FECH: variants seen among roughly 807,000 people sequenced by gnomAD.
The protein encoded by FECH is ferrochelatase, mitochondrial.
In FECH, 40 loss-of-function variants were observed where a neutral mutation model predicts 56.9. That is an observed-to-expected ratio of 0.70 (90% CI 0.55 to 0.92). The LOEUF (loss-of-function observed/expected upper bound fraction) is 0.92. FECH is among the 40% of genes least tolerant of loss of function. The probability of loss-of-function intolerance (pLI) is 0.00; values close to 1 mark genes in which losing one functional copy is unlikely to be tolerated. For missense variants in FECH, 431 were observed against 529.1 expected, an observed-to-expected ratio of 0.81 and a Z score of 1.82; for synonymous variants, 175 against 198.6, an observed-to-expected ratio of 0.88 and a Z score of 1.00.
In FECH at chr18:57,550,593, C is replaced by T. The variant is rs2050783843; in HGVS notation, c.*119G>A. On this transcript the variant is annotated 3_prime_UTR_variant, in exon 11 of 11. Coordinates refer to ENST00000262093, the MANE Select transcript of FECH (RefSeq NM_000140.5). Reference sequence around the variant, plus strand: ...AAACCACACAATTTGTACCCAAAGGCTGTATATATATCAAGGAAGGATGAC... The same window carrying T: ...AAACCACACAATTTGTACCCAAAGGTTGTATATATATCAAGGAAGGATGAC... 7.8e-7 allele frequency: 1 copy of T among 1,288,816 alleles called. No homozygotes were observed. The highest frequency in any genetic ancestry group is 1.9e-4 in the Middle Eastern group (1 of 5,320). The allele number at this position is 1,288,816 out of a possible 1,614,324, so 79.8% of individuals were successfully genotyped here. A position where few individuals can be genotyped will look rare whatever the true frequency, so the allele number is the denominator to read the frequency against.
chr18:57,551,887 C>CT lies in FECH; in HGVS notation c.1078-514dup, dbSNP rs201249549. 2.9e-3 allele frequency among the ~76,000 whole-genome samples: 416 copies of CT among 141,378 alleles called. 3 individuals are homozygous for CT. Among genetic ancestry groups the CT allele is most frequent in the African/African-American group, 6.0e-3 (233 of 38,574 alleles). The allele number at this position is 141,378 out of a possible 152,430, so 92.7% of individuals were successfully genotyped here. A position where few individuals can be genotyped will look rare whatever the true frequency, so the allele number is the denominator to read the frequency against. On this transcript the variant is annotated intron_variant, in intron 9 of 10. Coordinates refer to ENST00000262093, the MANE Select transcript of FECH (RefSeq NM_000140.5). ...TGGGTTTTAAAATATATTCTTTTTTCTTTTTTTTTTTTTTGAGATGGAGTC... is the reference window on the plus strand; with the variant it reads ...TGGGTTTTAAAATATATTCTTTTTTCTTTTTTTTTTTTTTTGAGATGGAGTC...
In FECH at chr18:57,571,240, G is replaced by T. The variant is rs562389886; in HGVS notation, c.463+152C>A. 448 of 779,842 alleles carry T rather than the reference G, an allele frequency of 5.7e-4. 1 individual carries two copies. The highest frequency in any genetic ancestry group is 4.3e-3 in the Middle Eastern group (15 of 3,490). The allele number at this position is 779,842 out of a possible 1,614,324, so 48.3% of individuals were successfully genotyped here. On this transcript the variant is annotated intron_variant, in intron 4 of 10. Transcript: ENST00000262093. The stretch of plus-strand genomic sequence containing the variant: ...GCTAAAGGTCAAGGGATAACGCCTG[G>T]AGACCTAAATTAAGTGACCATGTAT...
chr18:57,583,438 G>A (rs317807), intron 1 of FECH, among the ~76,000 whole-genome samples: 40,013 of 152,174 alleles, frequency 0.26, 6,142 homozygotes, highest in East Asian at 0.64. Flanking sequence ...GAGATGCTGC[G>A]AGTCTCACTT....
chr18:57,563,067 C>G, intron 5 of FECH, 87 bp from the exon 6 acceptor site: 1 of 1,047,306 alleles, frequency 9.5e-7, no homozygotes, highest in Non-Finnish European at 1.4e-6. Flanking sequence ...TATATAAGTT[C>G]AAAGCAGGTA....
Position 57,545,554 on chromosome 18 carries a change from C to T in FECH, c.*5158G>A, listed in dbSNP as rs934603988. Among the ~76,000 whole-genome samples, 1 of 152,194 alleles carries T rather than the reference C, an allele frequency of 6.6e-6. No individual in the cohort carries two copies. The highest frequency in any genetic ancestry group is 1.5e-5 in the Non-Finnish European group (1 of 68,038). Reference sequence around the variant, plus strand: ...ACCACCTCCCAGAACTACTCTTTGGCAAGATGCATCAGACGCACGGAGCGA... The same window carrying T: ...ACCACCTCCCAGAACTACTCTTTGGTAAGATGCATCAGACGCACGGAGCGA... On this transcript the variant is annotated 3_prime_UTR_variant, in exon 11 of 11. Coordinates refer to ENST00000262093, the MANE Select transcript of FECH (RefSeq NM_000140.5).
At position 57,577,965 on chromosome 18, in the gene FECH, T is replaced by C. The variant is rs2051206903; in HGVS notation, c.194+2108A>G. 2.0e-5 allele frequency among the ~76,000 whole-genome samples: 3 copies of C among 152,080 alleles called. No homozygotes were observed. In the South Asian group the frequency reaches 6.2e-4, roughly 32 times the overall value. ...ATTCATAATGTTTTAAGGTTTTTTT[T>C]GTTGCCTATCCGTATTCTCTAAAAT... is the stretch of plus-strand genomic sequence containing the variant. On this transcript the variant is annotated intron_variant, in intron 2 of 10. Coordinates refer to ENST00000262093, the MANE Select transcript of FECH (RefSeq NM_000140.5).
At chr18:57,567,280 C>T (rs2051031436) in intron 4 of FECH, among the ~76,000 whole-genome samples, 1 of 152,218 alleles carries the variant, frequency 6.6e-6, no homozygotes, top group South Asian at 2.1e-4. Context: ...TTTGGAGGTG[C>T]CACATGGGAT....
In FECH at chr18:57,545,882, G is replaced by A. The variant is rs189567239; in HGVS notation, c.*4830C>T. 6.6e-6 allele frequency among the ~76,000 whole-genome samples: 1 copy of A among 152,260 alleles called. No homozygotes were observed. Among genetic ancestry groups the A allele is most frequent in the African/African-American group, 2.4e-5 (1 of 41,552 alleles). On this transcript the variant is annotated 3_prime_UTR_variant, in exon 11 of 11. Transcript: ENST00000262093. ...TAGATATGCAGGATAAATATGTTCT[G>A]GGGATCTAACATACAGCATGGCGAA...
At chr18:57,576,012 G>T (rs750620044) in intron 2 of FECH, among the ~76,000 whole-genome samples, 13 of 152,084 alleles carry the variant, frequency 8.5e-5, no homozygotes. Flanking sequence ...GCCTTCAACC[G>T]GGGTTTTTCA....
At chr18:57,586,513 G>A in intron 1 of FECH, 41 bp downstream of exon 1, 5 of 1,518,374 alleles carry the variant, frequency 3.3e-6, no homozygotes, top group Non-Finnish European at 4.4e-6. Context: ...CGCCTTCTCA[G>A]GGATCCTGGC....
chr18:57,564,996 C>T (rs2050998147), intron 5 of FECH, among the ~76,000 whole-genome samples: 1 of 152,194 alleles, frequency 6.6e-6, no homozygotes. Context: ...CTTCGCAAAG[C>T]CTTCCACAAC....
chr18:57,548,930 G>C lies in FECH; in HGVS notation c.*1782C>G, dbSNP rs1276671539. 1.3e-5 allele frequency: 2 copies of C among 152,138 alleles called. No individual in the cohort carries two copies. Among genetic ancestry groups the C allele is most frequent in the Non-Finnish European group, 1.5e-5 (1 of 68,032 alleles). The allele number at this position is 152,138 out of a possible 1,614,324, so 9.4% of individuals were successfully genotyped here. A position where few individuals can be genotyped will look rare whatever the true frequency, so the allele number is the denominator to read the frequency against. ...TAAAGTCATCAAAGAATTGAAGCAG[G>C]CCCTTGGGAAATATCCTTAAGGGGA... On this transcript the variant is annotated 3_prime_UTR_variant, in exon 11 of 11. Coordinates refer to ENST00000262093, the MANE Select transcript of FECH (RefSeq NM_000140.5).
intron 2 of FECH, among the ~76,000 whole-genome samples, chr18:57,577,406 C>G (rs1478575527): frequency 6.6e-6 from 1 of 152,142 alleles, no homozygotes; most frequent in Non-Finnish European, 1.5e-5. Context: ...ACTACCTAAC[C>G]CTTTACAGAA....
intron 4 of FECH, among the ~76,000 whole-genome samples, chr18:57,569,794 C>G (rs746315416): frequency 6.6e-6 from 1 of 151,800 alleles, no homozygotes; most frequent in Admixed American, 6.6e-5. Flanking sequence ...CCTCTTCCCA[C>G]GAGAGACAGC....
rs2050736424 is a variant in FECH, at chr18:57,547,624, T to C, written c.*3088A>G. Among the ~76,000 whole-genome samples the C allele has an allele frequency of 1.3e-5, 2 of 152,128 alleles. No individual in the cohort carries two copies. The highest frequency in any genetic ancestry group is 1.5e-5 in the Non-Finnish European group (1 of 68,032). The stretch of plus-strand genomic sequence containing the variant: ...TTTCCTTTGTAAATGACCCAGTCTC[T>C]GTATTTCTTTTCTTTTTTTTGGTTT... On this transcript the variant is annotated 3_prime_UTR_variant, in exon 11 of 11. Transcript: ENST00000262093.
chr18:57,567,149 G>C (rs868231202), intron 4 of FECH, among the ~76,000 whole-genome samples: 1 of 151,674 alleles, frequency 6.6e-6, no homozygotes, highest in African/African-American at 2.4e-5. Context: ...CCAGTTCCCC[G>C]AACCCCCAGG....
At chr18:57,555,197 A>AC (rs1184228510) in intron 7 of FECH, among the ~76,000 whole-genome samples, 1 of 152,202 alleles carries the variant, frequency 6.6e-6, no homozygotes, top group African/African-American at 2.4e-5. Context: ...TCCATGTTCC[A>AC]CGTTATTCAT....
rs2050851054 is a variant in FECH at position 57,555,012 on chromosome 18, T to C, written c.805-60A>G. On this transcript the variant is annotated intron_variant, in intron 7 of 10. Transcript: ENST00000262093. ...ACACTGGGAAGGCCCCGAGAGCCTC[T>C]GACTATGTGCTGACACAGTGTGAGC... 63 of 1,323,006 alleles carry C rather than the reference T, an allele frequency of 4.8e-5. 1 individual carries two copies. In the South Asian group the frequency reaches 7.3e-4, roughly 15 times the overall value. 82.0% of individuals were successfully genotyped at this position (1,323,006 alleles called of 1,614,324 possible).
intron 1 of FECH, among the ~76,000 whole-genome samples, chr18:57,583,437 C>A (rs986353674): frequency 3.3e-5 from 5 of 152,168 alleles, no homozygotes; most frequent in African/African-American, 1.2e-4. Context: ...TGAGATGCTG[C>A]GAGTCTCACT....
Sources: allele counts gnomAD v4.1 joint callset (sites outside exome capture counted in the v4.1 genomes callset), GRCh38; gene constraint gnomAD v4.1.1; transcripts MANE v1.5; gene names NCBI Gene and HGNC (gene_info 2026-07-23, HGNC 2026-07-21).